Variants in FBXO34 observed in about 807,000 individuals in gnomAD.
FBXO34 encodes F-box only protein 34.
A neutral mutation model predicts 24.5 loss-of-function variants in FBXO34; 12 were observed. The observed-to-expected ratio is 0.49, with a 90% confidence interval of 0.31 to 0.79. The LOEUF (loss-of-function observed/expected upper bound fraction) is 0.79, where lower values mean the gene tolerates loss of function less well. Ranked by LOEUF, FBXO34 falls within the 30% of genes least tolerant of loss-of-function variation. The pLI, the probability that FBXO34 is intolerant of heterozygous loss-of-function variation, is 0.04. For synonymous variants in FBXO34, 320 were observed against 311.9 expected (o/e 1.03, Z -0.27); for missense variants, 823 against 857.7 (o/e 0.96, Z 0.51).
intron 1 of FBXO34, among the ~76,000 whole-genome samples, chr14:55,303,800 A>T (rs1223012290): frequency 1.3e-5 from 2 of 152,220 alleles, no homozygotes; most frequent in Non-Finnish European, 2.9e-5. Flanking sequence ...TGTGGAGGCC[A>T]GGAAGCCATG....
the FBXO34 span, among the ~76,000 whole-genome samples, chr14:55,382,417 G>C: frequency 6.6e-6 from 1 of 152,280 alleles, no homozygotes; most frequent in African/African-American, 2.4e-5. Context: ...CTAGACTCCA[G>C]AGATACTCCT....
Position 55,351,615 on chromosome 14 carries a change from G to C in FBXO34, c.1225G>C (p.Asp409His), listed in dbSNP as rs147930024. 3 of 1,614,098 alleles carry C rather than the reference G, an allele frequency of 1.9e-6. No homozygotes were observed. The highest frequency in any genetic ancestry group is 1.3e-5 in the African/African-American group (1 of 74,928). The change falls in exon 2 of 2, where the codon GAT becomes CAT. Residue 409 changes from aspartate to histidine, a missense_variant. Physicochemically the swap from Asp to His is moderately conservative, Grantham distance 81. Transcript: ENST00000313833. Reference sequence around the variant, plus strand: ...CAACAGATATGATGTGGAAATGACAGATGAACTCGTTGGGTTACCTTTTTC... The same window carrying C: ...CAACAGATATGATGTGGAAATGACACATGAACTCGTTGGGTTACCTTTTTC... Reference protein sequence around the residue: ...NSNRYDVEMTDELVGLPFSSH... With the variant: ...NSNRYDVEMTHELVGLPFSSH...
the FBXO34 span, chr14:55,395,023 G>A: frequency 2.1e-6 from 1 of 475,488 alleles, no homozygotes; most frequent in South Asian, 1.5e-5. Flanking sequence ...TAAATCTTCA[G>A]TTTCTTGGTT....
the FBXO34 span, among the ~76,000 whole-genome samples, chr14:55,408,327 C>T: frequency 2.2e-4 from 34 of 152,050 alleles, no homozygotes; most frequent in African/African-American, 4.4e-4. Flanking sequence ...TGTTGATGTG[C>T]GCCTGTAGTC....
chr14:55,411,904 A>G, the FBXO34 span: 2 of 1,310,334 alleles, frequency 1.5e-6, no homozygotes, highest in Non-Finnish European at 1.0e-6. Context: ...GGCCTGGGGA[A>G]GGGGGGCTGG....
At chr14:55,300,520 G>A (rs1444115849) in intron 1 of FBXO34, among the ~76,000 whole-genome samples, 5 of 152,210 alleles carry the variant, frequency 3.3e-5, no homozygotes, top group African/African-American at 1.2e-4. Flanking sequence ...ACTTGAATCC[G>A]GGAGGCGGAG....
chr14:55,323,222 T>G (rs994921583), intron 1 of FBXO34, among the ~76,000 whole-genome samples: 1 of 27,248 alleles, frequency 3.7e-5, no homozygotes, highest in Non-Finnish European at 5.4e-5. Context: ...AAAAAAAATA[T>G]ATATTTTTTT....
chr14:55,362,777 C>T (rs1884609832), downstream of FBXO34, among the ~76,000 whole-genome samples: 1 of 152,094 alleles, frequency 6.6e-6, no homozygotes, highest in Non-Finnish European at 1.5e-5. Context: ...AACCACTTGG[C>T]ACTTTCATTC....
At chr14:55,299,952 C>T (rs1882291382) in intron 1 of FBXO34, among the ~76,000 whole-genome samples, 1 of 152,122 alleles carries the variant, frequency 6.6e-6, no homozygotes, top group Admixed American at 6.6e-5. Flanking sequence ...CTCCAACTTC[C>T]CCCTCCTGAA....
the FBXO34 span, chr14:55,440,610 G>A: frequency 6.7e-7 from 1 of 1,490,958 alleles, no homozygotes; most frequent in African/African-American, 1.4e-5. Context: ...GGGCGCGAGA[G>A]AAGCGTTGGG....
chr14:55,332,579 C>T (rs1156516934), intron 1 of FBXO34, among the ~76,000 whole-genome samples: 1 of 152,094 alleles, frequency 6.6e-6, no homozygotes, highest in African/African-American at 2.4e-5. Context: ...CTTTCTAAAA[C>T]TAGGAGGGAA....
intron 1 of FBXO34, among the ~76,000 whole-genome samples, chr14:55,275,868 T>G (rs949182423): frequency 6.9e-6 from 1 of 145,522 alleles, no homozygotes; most frequent in East Asian, 2.0e-4. Context: ...TATGCTAGAT[T>G]GGCCAGAGGT....
At chr14:55,428,354 C>G in the FBXO34 span, among the ~76,000 whole-genome samples, 1 of 152,026 alleles carries the variant, frequency 6.6e-6, no homozygotes, top group Admixed American at 6.6e-5. Context: ...TGGTCTCGAT[C>G]TCCTGACCTC....
At chr14:55,435,329 G>A in the FBXO34 span, among the ~76,000 whole-genome samples, 3 of 148,894 alleles carry the variant, frequency 2.0e-5, no homozygotes, top group Non-Finnish European at 4.4e-5. Flanking sequence ...AGGCTGGAAT[G>A]TAATGGCATG....
the FBXO34 span, among the ~76,000 whole-genome samples, chr14:55,402,929 ATATATATATATATATATATAT>A: frequency 6.1e-5 from 1 of 16,376 alleles, no homozygotes; most frequent in African/African-American, 3.4e-4. Flanking sequence ...AAAAAAAAAT[ATATATATATATATATATATAT>A]ATATATATAT....
chr14:55,282,832 C>T (rs1881605779), intron 1 of FBXO34, among the ~76,000 whole-genome samples: 1 of 152,152 alleles, frequency 6.6e-6, no homozygotes, highest in African/African-American at 2.4e-5. Flanking sequence ...ATTCTTGGAA[C>T]TACAGAATAG....
the FBXO34 span, chr14:55,413,599 TC>T: frequency 2.2e-6 from 1 of 444,874 alleles, no homozygotes; most frequent in South Asian, 1.9e-5. Context: ...CAGCCCAGGC[TC>T]CCTCCATTGG....
chr14:55,321,851 C>T (rs1239321019), intron 1 of FBXO34, among the ~76,000 whole-genome samples: 2 of 152,238 alleles, frequency 1.3e-5, no homozygotes, highest in Non-Finnish European at 2.9e-5. Flanking sequence ...AAATACTCAT[C>T]TTTAGTGGAC....
intron 1 of FBXO34, among the ~76,000 whole-genome samples, chr14:55,333,002 A>G (rs1181180228): frequency 6.6e-6 from 1 of 152,182 alleles, no homozygotes; most frequent in Non-Finnish European, 1.5e-5. Context: ...TACTTTGTCG[A>G]TTTAAAACAT....
Sources: gnomAD v4.1 joint callset for allele counts (sites outside exome capture counted in the v4.1 genomes callset) on GRCh38, gnomAD v4.1.1 for gene constraint, MANE v1.5 for transcripts, NCBI Gene and HGNC (gene_info 2026-07-23, HGNC 2026-07-21) for gene names.